RALGAPA2: variants seen among roughly 807,000 people sequenced by gnomAD.
RALGAPA2 encodes the protein ral GTPase-activating protein subunit alpha-2.
Under a neutral mutation model 230.4 loss-of-function variants are expected in RALGAPA2, and 139 were observed. The observed-to-expected ratio is 0.60, with a 90% CI of 0.53 to 0.69. The LOEUF is 0.69. RALGAPA2 is among the 30% of genes least tolerant of loss of function. RALGAPA2 has a pLI of 0.00. For missense variants in RALGAPA2, 2,163 were observed against 2,276.0 expected, an observed-to-expected ratio of 0.95 and a Z score of 1.01; for synonymous variants, 847 against 837.8, an observed-to-expected ratio of 1.01 and a Z score of -0.19.
intron 38 of RALGAPA2, among the ~76,000 whole-genome samples, chr20:20,405,367 A>G (rs2059924261): frequency 6.6e-6 from 1 of 152,272 alleles, no homozygotes; most frequent in East Asian, 1.9e-4. Flanking sequence ...GGAAGGAGAG[A>G]CACAGGCCTG....
At chr20:20,697,850 G>A (rs895246268) in intron 1 of RALGAPA2, among the ~76,000 whole-genome samples, 2 of 152,160 alleles carry the variant, frequency 1.3e-5, no homozygotes, top group Non-Finnish European at 2.9e-5. Flanking sequence ...GTTGGGAGGT[G>A]GGAAAAGAGA....
intron 3 of RALGAPA2, among the ~76,000 whole-genome samples, chr20:20,671,924 G>A (rs1409776518): frequency 6.6e-6 from 1 of 152,158 alleles, no homozygotes; most frequent in Non-Finnish European, 1.5e-5. Context: ...AAAATGGTGG[G>A]GGAAGAAGGA....
At chr20:20,427,986 C>G (rs567139853) in intron 37 of RALGAPA2, among the ~76,000 whole-genome samples, 1 of 152,094 alleles carries the variant, frequency 6.6e-6, no homozygotes, top group Non-Finnish European at 1.5e-5. Context: ...GTTAAAAAGT[C>G]TGCTGCAGTC....
chr20:20,653,649 C>A, intron 3 of RALGAPA2, 62 bp from the exon 4 acceptor site: 1 of 967,688 alleles, frequency 1.0e-6, no homozygotes. Context: ...TCATGACAGG[C>A]CCATATTACT....
chr20:20,683,400 T>G (rs1209731191), intron 1 of RALGAPA2, among the ~76,000 whole-genome samples: 1 of 152,136 alleles, frequency 6.6e-6, no homozygotes, highest in African/African-American at 2.4e-5. Flanking sequence ...AAATCCGAAC[T>G]CTTTACCATG....
At chr20:20,438,019 A>G (rs2060652326) in intron 37 of RALGAPA2, among the ~76,000 whole-genome samples, 1 of 152,232 alleles carries the variant, frequency 6.6e-6, no homozygotes, top group African/African-American at 2.4e-5. Context: ...ATATGGGTCA[A>G]TGGACCCCAT....
chr20:20,630,896 C>T (rs1453324483), intron 9 of RALGAPA2, among the ~76,000 whole-genome samples: 1 of 152,132 alleles, frequency 6.6e-6, no homozygotes, highest in African/African-American at 2.4e-5. Flanking sequence ...TGACCTATAA[C>T]TCCCATTTTC....
At chr20:20,561,419 C>T (rs2064254340) in intron 23 of RALGAPA2, among the ~76,000 whole-genome samples, 1 of 152,218 alleles carries the variant, frequency 6.6e-6, no homozygotes, top group Admixed American at 6.5e-5. Flanking sequence ...TCCTTTCATA[C>T]ATACAGTGCC....
At chr20:20,517,063 A>G (rs2062893968) in intron 31 of RALGAPA2, among the ~76,000 whole-genome samples, 1 of 152,142 alleles carries the variant, frequency 6.6e-6, no homozygotes, top group Non-Finnish European at 1.5e-5. Context: ...ACCACCATAG[A>G]CACAACTGGA....
At chr20:20,637,097 T>C (rs1449567939) in intron 8 of RALGAPA2, among the ~76,000 whole-genome samples, 2 of 152,218 alleles carry the variant, frequency 1.3e-5, no homozygotes, top group African/African-American at 4.8e-5. Flanking sequence ...AATGTAATTA[T>C]ACCAAAAATA....
Position 20,439,779 on chromosome 20 carries a change from C to G in RALGAPA2, c.5496-27631G>C, listed in dbSNP as rs540722321. On this transcript the variant is annotated intron_variant, in intron 37 of 39. Coordinates refer to ENST00000202677, the MANE Select transcript of RALGAPA2 (RefSeq NM_020343.4). ...CAGTTCGTTTTTTCCTCCTAGCCTA[C>G]TGAAATGTACACACCATGAGTACAA... Among the ~76,000 whole-genome samples the G allele has an allele frequency of 9.2e-5, 14 of 152,296 alleles. No individual in the cohort carries two copies. The South Asian group carries it at 2.5e-3, about 27-fold the overall frequency.
At chr20:20,393,981 C>T (rs1025763062) in intron 39 of RALGAPA2, among the ~76,000 whole-genome samples, 5 of 152,144 alleles carry the variant, frequency 3.3e-5, no homozygotes, top group Admixed American at 6.5e-5. Context: ...CCCTTCCCCT[C>T]GTAGTGTATT....
chr20:20,506,938 G>C (rs2062553213), intron 33 of RALGAPA2, among the ~76,000 whole-genome samples: 2 of 152,150 alleles, frequency 1.3e-5, no homozygotes, highest in African/African-American at 4.8e-5. Flanking sequence ...CTTGGAAGAA[G>C]AATTAGAAAA....
chr20:20,431,553 T>G (rs1406309059), intron 37 of RALGAPA2, among the ~76,000 whole-genome samples: 2 of 152,288 alleles, frequency 1.3e-5, no homozygotes, highest in Non-Finnish European at 2.9e-5. Flanking sequence ...TTAAAATGTA[T>G]GACACAATTT....
chr20:20,629,320 AACACACACACACACACACACAC>A (rs11467035), intron 10 of RALGAPA2, 21 bp downstream of exon 10: 1 of 1,033,270 alleles, frequency 9.7e-7, no homozygotes, highest in Non-Finnish European at 1.4e-6. Context: ...AAGAACTTGT[AACACACACACACACACACACAC>A]ACACACACAC....
intron 26 of RALGAPA2, 46 bp from the exon 27 acceptor site, chr20:20,531,841 T>A: frequency 7.3e-7 from 1 of 1,365,386 alleles, no homozygotes; most frequent in Non-Finnish European, 1.0e-6. Context: ...TGAAACTTAA[T>A]ATACTTTCTC....
At chr20:20,449,330 CTG>C (rs1274856539) in intron 37 of RALGAPA2, among the ~76,000 whole-genome samples, 2 of 152,110 alleles carry the variant, frequency 1.3e-5, no homozygotes, top group South Asian at 2.1e-4. Flanking sequence ...TTGAGGAAAG[CTG>C]TGTGAGTCTA....
At position 20,712,586 on chromosome 20, in the gene RALGAPA2, G is replaced by A. The variant is rs2069934322; in HGVS notation, c.-106C>T. 8 of 1,240,812 alleles carry A rather than the reference G, an allele frequency of 6.4e-6. No homozygotes were observed. The highest frequency in any genetic ancestry group is 3.5e-5 in the East Asian group (1 of 28,748). The allele number at this position is 1,240,812 out of a possible 1,614,324, so 76.9% of individuals were successfully genotyped here. ...GCGCGTGTCGCGCGGGCCACTCGCC[G>A]CCCCCAGCCCCGCTGCTGCCGCCGC... On this transcript the variant is annotated 5_prime_UTR_variant, in exon 1 of 40. Transcript: ENST00000202677. This position sits in a 1 kb window ranked among gnomAD's most constrained non-coding sequence, Gnocchi z 5.5.
chr20:20,460,167 A>C (rs1033953492), intron 37 of RALGAPA2, among the ~76,000 whole-genome samples: 2 of 151,802 alleles, frequency 1.3e-5, no homozygotes, highest in Non-Finnish European at 2.9e-5. Context: ...TGGGAGAACG[A>C]GCGAGGGGCC....
Sources: allele counts gnomAD v4.1 joint callset (sites outside exome capture counted in the v4.1 genomes callset), GRCh38; gene constraint gnomAD v4.1.1; non-coding constraint Gnocchi (gnomAD v3.1); transcripts MANE v1.5; gene names NCBI Gene and HGNC (gene_info 2026-07-23, HGNC 2026-07-21).